The following AKAP13 variants were observed in gnomAD, a reference collection of about 807,000 sequenced individuals.
AKAP13 encodes A-kinase anchor protein 13.
In AKAP13, 80 loss-of-function variants were observed where a neutral mutation model predicts 264.5. The observed-to-expected ratio is 0.30, with a 90% CI of 0.25 to 0.36. The LOEUF (loss-of-function observed/expected upper bound fraction) is 0.36, where lower values mean the gene tolerates loss of function less well. Among genes scored for constraint, AKAP13 ranks in the 10% least tolerant of loss-of-function variants. The pLI, the probability that AKAP13 is intolerant of heterozygous loss-of-function variation, is 1.00. For synonymous variants in AKAP13, 1,380 were observed against 1,250.2 expected, an observed-to-expected ratio of 1.10 and a Z score of -2.19; for missense variants, 3,712 against 3,435.2, an observed-to-expected ratio of 1.08 and a Z score of -2.01.
intron 8 of AKAP13, chr15:85,619,816 A>G: frequency 8.1e-7 from 1 of 1,232,146 alleles, no homozygotes; most frequent in South Asian, 2.4e-5. Flanking sequence ...ATTAGGTGGT[A>G]TTTATTGTTT....
At chr15:85,731,149 A>T (rs2087991417) in intron 30 of AKAP13, among the ~76,000 whole-genome samples, 1 of 151,688 alleles carries the variant, frequency 6.6e-6, no homozygotes, top group African/African-American at 2.4e-5. Flanking sequence ...GGGACTACAG[A>T]TGTGCACCAC....
At position 85,623,808 on chromosome 15, in the gene AKAP13, A is replaced by G. The variant is rs894832582; in HGVS notation, c.4162-15566A>G. Among the ~76,000 whole-genome samples the G allele has an allele frequency of 3.9e-5, 6 of 152,278 alleles. No homozygotes were observed. The East Asian group carries it at 1.2e-3, about 29-fold the overall frequency. ...CATTCCCCCAGTTCTCCTTTTCTTGATGCATGCACTTCTGACTCTTACAGT... is the reference window on the plus strand; with the variant it reads ...CATTCCCCCAGTTCTCCTTTTCTTGGTGCATGCACTTCTGACTCTTACAGT... On this transcript the variant is annotated intron_variant, in intron 8 of 36. Coordinates refer to ENST00000394518, the MANE Select transcript of AKAP13 (RefSeq NM_007200.5).
chr15:85,548,488 CTTAGTAG>C (rs1410112766), intron 5 of AKAP13, among the ~76,000 whole-genome samples: 6 of 152,162 alleles, frequency 3.9e-5, no homozygotes, highest in Non-Finnish European at 7.3e-5. Flanking sequence ...AGCTTGCCTA[CTTAGTAG>C]TTAGTGTGAC....
intron 1 of AKAP13, among the ~76,000 whole-genome samples, chr15:85,442,558 C>T (rs1337486142): frequency 4.0e-5 from 5 of 125,690 alleles, no homozygotes; most frequent in Non-Finnish European, 4.8e-5. Context: ...ATATTTATTT[C>T]TAGCATGAGA....
chr15:85,548,677 CATCAGTAAAATTA>C (rs1453746991), intron 5 of AKAP13, among the ~76,000 whole-genome samples: 2 of 152,116 alleles, frequency 1.3e-5, no homozygotes, highest in Non-Finnish European at 2.9e-5. Context: ...ATAATAATGA[CATCAGTAAAATTA>C]GAGTTAACTG....
rs2071978784 is a variant in AKAP13 at position 85,411,692 on chromosome 15, C to T, written c.-12+30894C>T. On this transcript the variant is annotated intron_variant, in intron 1 of 36. Coordinates refer to ENST00000394518, the MANE Select transcript of AKAP13 (RefSeq NM_007200.5). The stretch of plus-strand genomic sequence containing the variant: ...GACCTCGTGATCCGCCTGCCTCGGC[C>T]TCCTGAAGTGCTGGGATTACAGGCG... Among the ~76,000 whole-genome samples, 3 of 152,230 alleles carry T rather than the reference C, an allele frequency of 2.0e-5. No individual in the cohort carries two copies. The South Asian group carries it at 6.2e-4, about 32-fold the overall frequency.
At chr15:85,513,325 T>G (rs1471784292) in intron 2 of AKAP13, among the ~76,000 whole-genome samples, 2 of 152,178 alleles carry the variant, frequency 1.3e-5, no homozygotes, top group East Asian at 3.8e-4. Flanking sequence ...GCCCTTAATT[T>G]ATTTTAAAGC....
chr15:85,671,469 GAA>G (rs1214583073), intron 14 of AKAP13, among the ~76,000 whole-genome samples: 3 of 127,614 alleles, frequency 2.4e-5, no homozygotes, highest in Admixed American at 9.6e-5. Context: ...GAGAGAGAGA[GAA>G]AGACATAATG....
intron 9 of AKAP13, among the ~76,000 whole-genome samples, chr15:85,644,230 C>CTTTTTTTT (rs1393075503): frequency 2.6e-5 from 1 of 38,922 alleles, no homozygotes; most frequent in Non-Finnish European, 4.4e-5. Context: ...TGACTTTTAT[C>CTTTTTTTT]TTCTTTTTTT....
intron 1 of AKAP13, among the ~76,000 whole-genome samples, chr15:85,455,506 C>T (rs961149117): frequency 1.6e-4 from 24 of 152,074 alleles, no homozygotes; most frequent in African/African-American, 4.1e-4. Flanking sequence ...ACTCTTTATA[C>T]TTATAGCCAC....
At chr15:85,548,770 T>C (rs1316453961) in intron 5 of AKAP13, among the ~76,000 whole-genome samples, 1 of 152,190 alleles carries the variant, frequency 6.6e-6, no homozygotes, top group African/African-American at 2.4e-5. Flanking sequence ...CTTGTAGTTC[T>C]CTGTGAATTA....
At chr15:85,661,057 G>T (rs1463694676) in intron 12 of AKAP13, among the ~76,000 whole-genome samples, 1 of 152,082 alleles carries the variant, frequency 6.6e-6, no homozygotes, top group African/African-American at 2.4e-5. Context: ...TGTTTTTATT[G>T]TCCACAAGCT....
intron 30 of AKAP13, among the ~76,000 whole-genome samples, chr15:85,731,557 G>T (rs2614671): frequency 0.95 from 144,180 of 152,258 alleles, 68,322 homozygotes; most frequent in East Asian, 0.99. Context: ...ATTCAGAGGC[G>T]TAATTAATTA....
At chr15:85,697,811 A>T (rs534398718) in intron 17 of AKAP13, among the ~76,000 whole-genome samples, 1 of 152,330 alleles carries the variant, frequency 6.6e-6, no homozygotes, top group African/African-American at 2.4e-5. Context: ...GGAGAGCTTC[A>T]GTCTAGAAAG....
chr15:85,597,093 G>T (rs1435369167), intron 8 of AKAP13, among the ~76,000 whole-genome samples: 1 of 152,142 alleles, frequency 6.6e-6, no homozygotes, highest in Non-Finnish European at 1.5e-5. Context: ...CAAAAAATTT[G>T]TAATGGAACC....
intron 1 of AKAP13, among the ~76,000 whole-genome samples, chr15:85,459,340 C>A (rs1363564463): frequency 6.7e-6 from 1 of 149,610 alleles, no homozygotes. Flanking sequence ...TGCCCGCCAC[C>A]ACGCCCGGCT....
intron 1 of AKAP13, among the ~76,000 whole-genome samples, chr15:85,381,521 C>CTTTTTTTTTTTTT (rs1168869870): frequency 1.2e-4 from 8 of 64,288 alleles, no homozygotes; most frequent in Non-Finnish European, 2.1e-4. Flanking sequence ...CGGTTTACTG[C>CTTTTTTTTTTTTT]TTTTTTTTTT....
chr15:85,465,801 C>T lies in AKAP13; in HGVS notation c.-11-19909C>T, dbSNP rs1206795091. Among the ~76,000 whole-genome samples the T allele has an allele frequency of 2.9e-3, 439 of 150,200 alleles. 1 individual carries two copies. Among genetic ancestry groups the T allele is most frequent in the Non-Finnish European group, 4.8e-3 (322 of 67,520 alleles). On this transcript the variant is annotated intron_variant, in intron 1 of 36. Transcript: ENST00000394518. ...AAGTCTTTGCTATTGTGAATAGTGCCGCAATAAACATACGTGTGCATGTGT... is the reference window on the plus strand; with the variant it reads ...AAGTCTTTGCTATTGTGAATAGTGCTGCAATAAACATACGTGTGCATGTGT...
intron 2 of AKAP13, among the ~76,000 whole-genome samples, chr15:85,489,507 A>G (rs1204133402): frequency 6.6e-6 from 1 of 152,178 alleles, no homozygotes; most frequent in Non-Finnish European, 1.5e-5. Flanking sequence ...CTGTTTTATG[A>G]TGGCTCATTG....
Sources: allele counts gnomAD v4.1 joint callset (sites outside exome capture counted in the v4.1 genomes callset), GRCh38; gene constraint gnomAD v4.1.1; transcripts MANE v1.5; gene names NCBI Gene and HGNC (gene_info 2026-07-23, HGNC 2026-07-21).